Variants in MYT1L observed in about 807,000 individuals in gnomAD.
MYT1L encodes the protein myelin transcription factor 1-like protein.
MYT1L carries 12 observed loss-of-function variants against 126.7 expected under a neutral mutation model. The observed-to-expected ratio is 0.09, with a 90% confidence interval of 0.06 to 0.15. MYT1L has a LOEUF of 0.15. Ranked by LOEUF, MYT1L falls within the 10% of genes least tolerant of loss-of-function variation. The pLI is 1.00. For missense variants in MYT1L, 979 were observed against 1,585.2 expected, an observed-to-expected ratio of 0.62 and a Z score of 6.49; for synonymous variants, 541 against 604.2, an observed-to-expected ratio of 0.90 and a Z score of 1.53.
intron 1 of MYT1L, among the ~76,000 whole-genome samples, chr2:2,301,870 T>C (rs1032957466): frequency 6.7e-6 from 1 of 149,646 alleles, no homozygotes; most frequent in Admixed American, 6.6e-5. Context: ...TATGGTCATA[T>C]CATAGAGATT....
At chr2:1,893,451 T>C (rs1179607187) in intron 14 of MYT1L, among the ~76,000 whole-genome samples, 1 of 152,088 alleles carries the variant, frequency 6.6e-6, no homozygotes, top group East Asian at 1.9e-4. Flanking sequence ...CTGGGACCGT[T>C]GTGAGTGTAG....
intron 3 of MYT1L, among the ~76,000 whole-genome samples, chr2:2,154,564 A>C (rs1007348071): frequency 7.9e-5 from 12 of 152,212 alleles, no homozygotes; most frequent in African/African-American, 2.9e-4. Context: ...TATCCTAGCA[A>C]ACTAATGCAG....
At chr2:1,816,311 G>A (rs2037622997) in intron 21 of MYT1L, 1 of 152,702 alleles carries the variant, frequency 6.5e-6, no homozygotes, top group Non-Finnish European at 1.5e-5. Flanking sequence ...GAATGAAGCA[G>A]AAGCACTTGG....
At chr2:2,207,692 C>G (rs113797871) in intron 2 of MYT1L, among the ~76,000 whole-genome samples, 48 of 152,278 alleles carry the variant, frequency 3.2e-4, no homozygotes, top group African/African-American at 9.9e-4. Flanking sequence ...ATCACAGATT[C>G]TCTCAGGATC....
intron 2 of MYT1L, among the ~76,000 whole-genome samples, chr2:2,234,783 G>A (rs778041307): frequency 6.6e-6 from 1 of 152,134 alleles, no homozygotes; most frequent in Non-Finnish European, 1.5e-5. Context: ...GGTAAGTTGG[G>A]AGCTTGGAGA....
rs1204931003 is a variant in MYT1L at position 1,801,872 on chromosome 2, C to T, written c.3173-73G>A. 1.1e-5 allele frequency: 10 copies of T among 892,952 alleles called. No homozygotes were observed. Among genetic ancestry groups the T allele is most frequent in the Non-Finnish European group, 1.7e-5 (10 of 592,350 alleles). The allele number at this position is 892,952 out of a possible 1,614,324, so 55.3% of individuals were successfully genotyped here. A position where few individuals can be genotyped will look rare whatever the true frequency, so the allele number is the denominator to read the frequency against. Reference sequence around the variant, plus strand: ...TTAGAGTTAGAATTTTGGGAGCTTTCTTTGTTCCTTTTATATTCGTAATTG... The same window carrying T: ...TTAGAGTTAGAATTTTGGGAGCTTTTTTTGTTCCTTTTATATTCGTAATTG... On this transcript the variant is annotated intron_variant, in intron 22 of 24. Transcript: ENST00000647738. The surrounding 1 kb of genome is among the most constrained non-coding windows in gnomAD (Gnocchi z 4.2).
At chr2:2,119,719 A>T (rs1365534973) in intron 3 of MYT1L, among the ~76,000 whole-genome samples, 1 of 152,182 alleles carries the variant, frequency 6.6e-6, no homozygotes, top group African/African-American at 2.4e-5. Context: ...TACAAGACAC[A>T]ATAATATTAA....
chr2:1,977,907 C>G (rs1026024010), intron 8 of MYT1L, among the ~76,000 whole-genome samples: 1 of 152,092 alleles, frequency 6.6e-6, no homozygotes, highest in African/African-American at 2.4e-5. Flanking sequence ...CTACTTATTT[C>G]AATTATGTAA....
intron 8 of MYT1L, among the ~76,000 whole-genome samples, chr2:1,957,159 C>T (rs370304979): frequency 6.6e-6 from 1 of 152,136 alleles, no homozygotes; most frequent in East Asian, 1.9e-4. Flanking sequence ...TCACTGGGCG[C>T]GTGGCTTGAG....
Position 1,819,387 on chromosome 2 carries a change from G to A in MYT1L, c.3081-10220C>T, listed in dbSNP as rs371930198. Among the ~76,000 whole-genome samples, 10 of 152,332 alleles carry A rather than the reference G, an allele frequency of 6.6e-5. No individual in the cohort carries two copies. The South Asian group carries it at 1.9e-3, about 28-fold the overall frequency. On this transcript the variant is annotated intron_variant, in intron 21 of 24. Transcript: ENST00000647738. ...TGCTTTACTTATCACATGCTGGCAT[G>A]CTCTTCAGACTTGGCCCACTGCTCA... is the stretch of plus-strand genomic sequence containing the variant.
intron 3 of MYT1L, among the ~76,000 whole-genome samples, chr2:2,136,425 TC>T (rs1216687584): frequency 1.3e-5 from 2 of 152,168 alleles, no homozygotes; most frequent in African/African-American, 4.8e-5. Context: ...CTGAGAATCT[TC>T]TTGACAAGCA....
chr2:2,174,868 A>G (rs1205748763), intron 2 of MYT1L, among the ~76,000 whole-genome samples: 2 of 152,082 alleles, frequency 1.3e-5, no homozygotes, highest in Non-Finnish European at 2.9e-5. Context: ...TCTGAAGTTC[A>G]GGTTCTGTAT....
rs1189360570 is a variant in MYT1L, at chr2:1,858,073, A to G, written c.2712-6370T>C. ...AGACAGGGGTTTCGCCATGTGGGCC[A>G]GGCTGGTCTCAAACTCCTGACCTCA... On this transcript the variant is annotated intron_variant, in intron 18 of 24. Transcript: ENST00000647738. Among the ~76,000 whole-genome samples, 8 of 152,352 alleles carry G rather than the reference A, an allele frequency of 5.3e-5. No individual in the cohort carries two copies. The East Asian group carries it at 1.5e-3, about 29-fold the overall frequency.
At chr2:2,234,011 C>G (rs1290127269) in intron 2 of MYT1L, among the ~76,000 whole-genome samples, 1 of 152,204 alleles carries the variant, frequency 6.6e-6, no homozygotes, top group Non-Finnish European at 1.5e-5. Context: ...TAAGTCCATG[C>G]TTGTTTTGTA....
intron 9 of MYT1L, among the ~76,000 whole-genome samples, chr2:1,927,462 C>T (rs2054387204): frequency 6.6e-6 from 1 of 152,238 alleles, no homozygotes; most frequent in African/African-American, 2.4e-5. Context: ...ATTTATCCTC[C>T]ACCCTCCTCA....
chr2:2,149,575 AGCT>A (rs2085417745), intron 3 of MYT1L, among the ~76,000 whole-genome samples: 1 of 152,220 alleles, frequency 6.6e-6, no homozygotes, highest in African/African-American at 2.4e-5. Context: ...AGTCTGTCAC[AGCT>A]GAAGGAGGAG....
intron 4 of MYT1L, among the ~76,000 whole-genome samples, chr2:2,047,852 A>G (rs1324558908): frequency 6.6e-6 from 1 of 151,816 alleles, no homozygotes; most frequent in Non-Finnish European, 1.5e-5. Context: ...TACTAAGGAG[A>G]AAATACGAAA....
At chr2:1,947,256 C>T (rs567255972) in intron 8 of MYT1L, among the ~76,000 whole-genome samples, 3 of 152,312 alleles carry the variant, frequency 2.0e-5, no homozygotes, top group African/African-American at 4.8e-5. Context: ...CACGCACAGC[C>T]GCCCTCCTTT....
intron 21 of MYT1L, chr2:1,826,962 G>C (rs894346888): frequency 3.3e-5 from 5 of 152,190 alleles, no homozygotes; most frequent in African/African-American, 1.2e-4. Context: ...GCAGATGCAG[G>C]AGGAGGCGCA....
Sources: allele counts gnomAD v4.1 joint callset (sites outside exome capture counted in the v4.1 genomes callset), GRCh38; gene constraint gnomAD v4.1.1; non-coding constraint Gnocchi (gnomAD v3.1); transcripts MANE v1.5; gene names NCBI Gene and HGNC (gene_info 2026-07-23, HGNC 2026-07-21).